The following SLC25A27 variants were observed in gnomAD, a reference collection of about 807,000 sequenced individuals.
SLC25A27 encodes the protein solute carrier family 25 member 27.
Under a neutral mutation model 49.1 loss-of-function variants are expected in SLC25A27, and 35 were observed. The ratio of observed to expected loss-of-function variants is 0.71; its 90% CI spans 0.54 to 0.95. SLC25A27 has a LOEUF of 0.95. SLC25A27 is among the 40% of genes least tolerant of loss of function. The pLI, the probability that SLC25A27 is intolerant of heterozygous loss-of-function variation, is 0.00. For missense variants in SLC25A27, 339 were observed against 397.1 expected (o/e 0.85, Z 1.24); for synonymous variants, 144 against 136.9 (o/e 1.05, Z -0.36).
chr6:46,668,938 T>TA lies in SLC25A27; in HGVS notation c.704+148dup, dbSNP rs576294466. On this transcript the variant is annotated intron_variant, in intron 6 of 8. Transcript: ENST00000371347. Reference sequence around the variant, plus strand: ...AGTACATTTATAAAGAGAAATTTCTTAAAGTTTCTTGCAGTTAGAATGGGG... The same window carrying TA: ...AGTACATTTATAAAGAGAAATTTCTTAAAAGTTTCTTGCAGTTAGAATGGGG... 589 of 544,990 alleles carry TA rather than the reference T, an allele frequency of 1.1e-3. 1 individual carries two copies. Among genetic ancestry groups the TA allele is most frequent in the Non-Finnish European group, 1.7e-3 (519 of 300,874 alleles). 33.8% of individuals were successfully genotyped at this position (544,990 alleles called of 1,614,324 possible).
At chr6:46,666,171 A>G (rs1233459729) in intron 5 of SLC25A27, among the ~76,000 whole-genome samples, 3 of 152,216 alleles carry the variant, frequency 2.0e-5, no homozygotes, top group East Asian at 3.9e-4. Context: ...CTTCACCAAT[A>G]TATTTTTCCT....
chr6:46,676,737 CAAG>C lies in SLC25A27; in HGVS notation c.*287_*289del. On this transcript the variant is annotated 3_prime_UTR_variant, in exon 9 of 9. Transcript: ENST00000371347. ...GAAGCCTGACCACTTTCACCTTGGGCAAGAAGGTTTGGCCTTTGAGTTGCTATT... is the reference window on the plus strand; with the variant it reads ...GAAGCCTGACCACTTTCACCTTGGGCAAGGTTTGGCCTTTGAGTTGCTATT... 1 of 1,516,640 alleles carries C rather than the reference CAAG, an allele frequency of 6.6e-7. No individual in the cohort carries two copies. The highest frequency in any genetic ancestry group is 1.2e-5 in the South Asian group (1 of 83,318). The allele number at this position is 1,516,640 out of a possible 1,614,324, so 93.9% of individuals were successfully genotyped here. A position where few individuals can be genotyped will look rare whatever the true frequency, so the allele number is the denominator to read the frequency against.
chr6:46,657,217 C>T (rs756643879), intron 2 of SLC25A27, among the ~76,000 whole-genome samples: 3 of 152,108 alleles, frequency 2.0e-5, no homozygotes, highest in Non-Finnish European at 4.4e-5. Flanking sequence ...TAATCCAGCA[C>T]TTTGGGAGGC....
In SLC25A27 at chr6:46,668,073, G is replaced by A. The variant is rs558877248; in HGVS notation, c.620-636G>A. 1.1e-4 allele frequency among the ~76,000 whole-genome samples: 17 copies of A among 152,324 alleles called. No homozygotes were observed. In the South Asian group the frequency reaches 2.5e-3, roughly 22 times the overall value. ...AAAAATGTATAAAAGGGCCAGGCGC[G>A]GCGGCTCATGCCTATAATCCCAGCA... On this transcript the variant is annotated intron_variant, in intron 5 of 8. Transcript: ENST00000371347.
chr6:46,676,648 G>T lies in SLC25A27; in HGVS notation c.*194G>T. 1 of 1,550,874 alleles carries T rather than the reference G, an allele frequency of 6.4e-7. No homozygotes were observed. Among genetic ancestry groups the T allele is most frequent in the Non-Finnish European group, 8.7e-7 (1 of 1,147,004 alleles). On this transcript the variant is annotated 3_prime_UTR_variant, in exon 9 of 9. Transcript: ENST00000371347. ...TTGACTCCTCTTTTTGTCCAAAAGT[G>T]ATCTGGTCGGATCTCACAAGGCCAT... is the stretch of plus-strand genomic sequence containing the variant.
chr6:46,659,652 G>A (rs1286433414), intron 3 of SLC25A27, among the ~76,000 whole-genome samples: 4 of 152,002 alleles, frequency 2.6e-5, no homozygotes, highest in Non-Finnish European at 4.4e-5. Flanking sequence ...TCAGGAGTTC[G>A]AGACCAGCCT....
At position 46,678,030 on chromosome 6, in the gene SLC25A27, T is replaced by TTACATATATATATATA. The variant is rs1763860825; in HGVS notation, c.*1578_*1579insCATATATATATATATA. 2.0e-5 allele frequency: 2 copies of TTACATATATATATATA among 100,630 alleles called. No individual in the cohort carries two copies. Among genetic ancestry groups the TTACATATATATATATA allele is most frequent in the African/African-American group, 4.0e-5 (1 of 25,238 alleles). 6.2% of individuals were successfully genotyped at this position (100,630 alleles called of 1,614,324 possible). On this transcript the variant is annotated 3_prime_UTR_variant, in exon 9 of 9. Coordinates refer to ENST00000371347, the MANE Select transcript of SLC25A27 (RefSeq NM_004277.5). Reference sequence around the variant, plus strand: ...CAATATGTAATTGCGTTGTAAAATATTATATATATATATATATATATATAT... The same window carrying TTACATATATATATATA: ...CAATATGTAATTGCGTTGTAAAATATTACATATATATATATATATATATATATATATATATATATAT...
At chr6:46,669,994 G>T in intron 6 of SLC25A27, 141 bp from the exon 7 acceptor site, 2 of 533,892 alleles carry the variant, frequency 3.7e-6, no homozygotes. Flanking sequence ...AATTAATTTA[G>T]CATTAATTTT....
intron 8 of SLC25A27, among the ~76,000 whole-genome samples, chr6:46,674,253 A>G (rs1246858466): frequency 1.3e-5 from 2 of 152,338 alleles, no homozygotes; most frequent in East Asian, 1.9e-4. Context: ...TTAAAACTGT[A>G]TAAGAACCTA....
chr6:46,655,268 C>T (rs905300949), intron 1 of SLC25A27, among the ~76,000 whole-genome samples: 1 of 152,144 alleles, frequency 6.6e-6, no homozygotes, highest in Admixed American at 6.5e-5. Flanking sequence ...GTCAGTCATT[C>T]ATCTGCATGT....
intron 1 of SLC25A27, among the ~76,000 whole-genome samples, chr6:46,655,094 C>T (rs1026300177): frequency 1.3e-5 from 2 of 152,126 alleles, no homozygotes; most frequent in Non-Finnish European, 2.9e-5. Context: ...TTCCAAAATA[C>T]AGTTAGTACT....
Sources: allele counts gnomAD v4.1 joint callset (sites outside exome capture counted in the v4.1 genomes callset), GRCh38; gene constraint gnomAD v4.1.1; transcripts MANE v1.5; gene names NCBI Gene and HGNC (gene_info 2026-07-23, HGNC 2026-07-21).